SUMF1: variants seen among roughly 807,000 people sequenced by gnomAD.
The protein encoded by SUMF1 is sulfatase modifying factor 1, also known as formylglycine-generating enzyme.
SUMF1 carries 48 observed loss-of-function variants against 47.6 expected under a neutral mutation model. That is an observed-to-expected ratio of 1.01 (90% confidence interval 0.80 to 1.28). The LOEUF (loss-of-function observed/expected upper bound fraction) is 1.28. Ranked by LOEUF, SUMF1 falls within the 50% of genes most tolerant of loss-of-function variation. SUMF1 has a pLI of 0.00. For missense variants in SUMF1, 571 were observed against 485.4 expected (o/e 1.18, Z -1.66); for synonymous variants, 230 against 192.1 (o/e 1.20, Z -1.63).
intron 7 of SUMF1, among the ~76,000 whole-genome samples, chr3:4,390,661 C>T (rs1251128105): frequency 6.6e-6 from 1 of 152,182 alleles, no homozygotes. Flanking sequence ...TGGCTCACTG[C>T]AGCCTCAACT....
chr3:4,234,874 G>C (rs1355082503), intron 8 of SUMF1, among the ~76,000 whole-genome samples: 1 of 152,144 alleles, frequency 6.6e-6, no homozygotes, highest in African/African-American at 2.4e-5. Context: ...AGCAAGAAGT[G>C]GGCTAACAAG....
In SUMF1 at chr3:4,417,217, G is replaced by C; in HGVS notation, c.751C>G (p.Gln251Glu). 6.2e-7 allele frequency: 1 copy of C among 1,613,956 alleles called. No homozygotes were observed. The change falls in exon 6 of 9, where the codon CAG becomes GAG. Residue 251 changes from glutamine to glutamate, a missense_variant. By Grantham distance (29) the Gln-to-Glu change is conservative. Coordinates refer to ENST00000272902, the MANE Select transcript of SUMF1 (RefSeq NM_182760.4). The part of the protein sequence containing the change: ...NRLFPWGNKL[Q>E]PKGQHYANIW... ...TTGGCATAATGCTGGCCTTTGGGCT[G>C]CAGTTTGTTGCCCCAGGGGAAAAGT...
At chr3:4,164,888 A>T (rs1694663019) in intron 8 of SUMF1, among the ~76,000 whole-genome samples, 1 of 152,140 alleles carries the variant, frequency 6.6e-6, no homozygotes, top group African/African-American at 2.4e-5. Context: ...AAGGCCTCCC[A>T]TAGCCACTCG....
At chr3:4,424,093 G>A (rs760398953) in intron 3 of SUMF1, among the ~76,000 whole-genome samples, 2 of 152,080 alleles carry the variant, frequency 1.3e-5, no homozygotes, top group Non-Finnish European at 2.9e-5. Context: ...TAATTCCTCA[G>A]TTGCAATAAT....
chr3:4,263,488 A>G (rs1423127206), intron 8 of SUMF1, among the ~76,000 whole-genome samples: 8 of 152,194 alleles, frequency 5.3e-5, no homozygotes, highest in African/African-American at 1.9e-4. Flanking sequence ...TCCTTGATCC[A>G]GCCCCAATCT....
chr3:4,070,364 T>C (rs1695491767), intron 8 of SUMF1, among the ~76,000 whole-genome samples: 1 of 152,120 alleles, frequency 6.6e-6, no homozygotes. Context: ...TTATACAGTG[T>C]TTGACTCTTT....
intron 1 of SUMF1, among the ~76,000 whole-genome samples, chr3:4,456,954 G>A (rs1239838901): frequency 9.6e-5 from 11 of 114,574 alleles, no homozygotes; most frequent in Non-Finnish European, 1.3e-4. Context: ...ACATATATAC[G>A]TGTGTGTATA....
chr3:4,194,028 G>A (rs751576235), intron 8 of SUMF1, among the ~76,000 whole-genome samples: 9 of 152,104 alleles, frequency 5.9e-5, no homozygotes, highest in African/African-American at 1.2e-4. Flanking sequence ...ATGCAGTCCA[G>A]ATATGAAGTT....
chr3:4,171,430 T>C (rs1331108700), intron 8 of SUMF1, among the ~76,000 whole-genome samples: 1 of 152,156 alleles, frequency 6.6e-6, no homozygotes, highest in African/African-American at 2.4e-5. Flanking sequence ...CATAGATGTG[T>C]TTACATGGGC....
At chr3:4,350,143 G>A (rs1487883102) in intron 8 of SUMF1, among the ~76,000 whole-genome samples, 1 of 151,696 alleles carries the variant, frequency 6.6e-6, no homozygotes, top group Non-Finnish European at 1.5e-5. Flanking sequence ...TGGGATTACA[G>A]GCATGCACCA....
chr3:4,272,426 C>T (rs1697323357), intron 8 of SUMF1, among the ~76,000 whole-genome samples: 1 of 152,192 alleles, frequency 6.6e-6, no homozygotes, highest in African/African-American at 2.4e-5. Context: ...CTCACATCAA[C>T]CAGCCGTTGG....
chr3:4,316,636 G>A (rs369164015), intron 8 of SUMF1: 29 of 1,551,006 alleles, frequency 1.9e-5, no homozygotes, highest in African/African-American at 2.7e-5. Context: ...CTTATTCTAC[G>A]CAACCACAAC....
intron 8 of SUMF1, among the ~76,000 whole-genome samples, chr3:4,206,235 G>A (rs1052788314): frequency 5.3e-5 from 8 of 151,750 alleles, no homozygotes; most frequent in Non-Finnish European, 7.4e-5. Context: ...GGGGAAGGGT[G>A]ACACAAACAC....
At chr3:4,129,737 G>A (rs549347094) in intron 8 of SUMF1, among the ~76,000 whole-genome samples, 2 of 152,242 alleles carry the variant, frequency 1.3e-5, no homozygotes, top group African/African-American at 4.8e-5. Flanking sequence ...CTGAGCTGAC[G>A]CTGATTCCAG....
chr3:4,362,951 A>C (rs965373109), intron 8 of SUMF1, among the ~76,000 whole-genome samples: 1 of 152,196 alleles, frequency 6.6e-6, no homozygotes, highest in Non-Finnish European at 1.5e-5. Context: ...TGAAAAAGGC[A>C]GAATATAAAG....
intron 8 of SUMF1, among the ~76,000 whole-genome samples, chr3:4,311,920 T>C (rs1035870201): frequency 1.3e-5 from 2 of 152,226 alleles, no homozygotes; most frequent in South Asian, 2.1e-4. Context: ...TTTGAAAATA[T>C]GCTTCACGAT....
intron 8 of SUMF1, among the ~76,000 whole-genome samples, chr3:4,177,955 T>C (rs1429238850): frequency 6.6e-6 from 1 of 152,132 alleles, no homozygotes; most frequent in Non-Finnish European, 1.5e-5. Flanking sequence ...AATGGATAAA[T>C]TCCTGGACAC....
chr3:4,441,027 A>G (rs1173417386), intron 3 of SUMF1, among the ~76,000 whole-genome samples: 1 of 152,172 alleles, frequency 6.6e-6, no homozygotes, highest in African/African-American at 2.4e-5. Context: ...AGGGTCCCCA[A>G]CCCCTGGACC....
chr3:4,147,214 G>A (rs957257890), intron 8 of SUMF1, among the ~76,000 whole-genome samples: 2 of 152,112 alleles, frequency 1.3e-5, no homozygotes, highest in African/African-American at 4.8e-5. Flanking sequence ...TACACTGTTG[G>A]TGGGACTGTA....
Sources: allele counts gnomAD v4.1 joint callset (sites outside exome capture counted in the v4.1 genomes callset), GRCh38; gene constraint gnomAD v4.1.1; transcripts MANE v1.5; gene names NCBI Gene and HGNC (gene_info 2026-07-23, HGNC 2026-07-21).